The following BPIFB4 variants were observed in gnomAD, a reference collection of about 807,000 sequenced individuals.
The protein encoded by BPIFB4 is BPI fold containing family B member 4.
A neutral mutation model predicts 69.2 loss-of-function variants in BPIFB4; 62 were observed. The ratio of observed to expected loss-of-function variants is 0.90; its 90% confidence interval spans 0.73 to 1.11. The LOEUF (loss-of-function observed/expected upper bound fraction) is 1.11, where lower values mean the gene tolerates loss of function less well. BPIFB4 is among the 50% of genes least tolerant of loss of function. The pLI, the probability that BPIFB4 is intolerant of heterozygous loss-of-function variation, is 0.00. For synonymous variants in BPIFB4, 330 were observed against 332.7 expected (o/e 0.99, Z 0.09); for missense variants, 789 against 792.0 (o/e 1.00, Z 0.04).
At chr20:33,086,396 G>A (rs529013098) in intron 7 of BPIFB4, among the ~76,000 whole-genome samples, 35 of 152,282 alleles carry the variant, frequency 2.3e-4, no homozygotes, top group South Asian at 1.0e-3. Flanking sequence ...TGGGGCCTTC[G>A]ACCAGCCTGG....
At chr20:33,093,017 C>T (rs981219791) in intron 11 of BPIFB4, among the ~76,000 whole-genome samples, 2 of 152,144 alleles carry the variant, frequency 1.3e-5, no homozygotes, top group African/African-American at 4.8e-5. Flanking sequence ...ACATAAGTAA[C>T]AAAATGACAC....
At chr20:33,087,112 C>A (rs534432637) in intron 7 of BPIFB4, among the ~76,000 whole-genome samples, 22 of 152,254 alleles carry the variant, frequency 1.4e-4, no homozygotes, top group Admixed American at 6.5e-4. Flanking sequence ...AGGGTCCAGG[C>A]AAGGAGAGGA....
chr20:33,101,186 A>G (rs1981898916), intron 14 of BPIFB4, among the ~76,000 whole-genome samples: 1 of 152,210 alleles, frequency 6.6e-6, no homozygotes, highest in Non-Finnish European at 1.5e-5. Context: ...AGTGGAAGTC[A>G]GGGCTATTAT....
chr20:33,099,327 G>A (rs1981843688), intron 13 of BPIFB4, among the ~76,000 whole-genome samples: 1 of 152,110 alleles, frequency 6.6e-6, no homozygotes, highest in Non-Finnish European at 1.5e-5. Context: ...TAAGATGGTC[G>A]ATTAAAGGGT....
In BPIFB4 at chr20:33,090,775, G is replaced by A. The variant is rs1274516956; in HGVS notation, c.1119G>A (p.Gly373=). The change falls in exon 10 of 18, where the codon GGG becomes GGA. Residue 373 remains glycine, a synonymous_variant. Transcript: ENST00000375483. ...TCTCCAGCCTCCCGCTTGTGACCGG[G>A]GAATTCCTGGAGCTGGACCTCAACG... ...YTFSSLPLVT[G]EFLELDLNTL... 1.9e-6 allele frequency: 3 copies of A among 1,614,014 alleles called. No individual in the cohort carries two copies. Among genetic ancestry groups the A allele is most frequent in the African/African-American group, 2.7e-5 (2 of 74,920 alleles).
Position 33,090,781 on chromosome 20 carries a change from C to G in BPIFB4, c.1125C>G (p.Phe375Leu), listed in dbSNP as rs1236652533. ...FSSLPLVTGE[F>L]LELDLNTLVG... is the part of the protein sequence containing the mutation. Reference sequence around the variant, plus strand: ...GCCTCCCGCTTGTGACCGGGGAATTCCTGGAGCTGGACCTCAACGTGAGTG... The same window carrying G: ...GCCTCCCGCTTGTGACCGGGGAATTGCTGGAGCTGGACCTCAACGTGAGTG... The change falls in exon 10 of 18, where the codon TTC becomes TTG. Residue 375 changes from phenylalanine (F) to leucine (L), a missense_variant. By Grantham distance (22) the Phe-to-Leu change is conservative. Coordinates refer to ENST00000375483, the MANE Select transcript of BPIFB4 (RefSeq NM_182519.3). 1.6e-5 allele frequency: 26 copies of G among 1,614,024 alleles called. No individual in the cohort carries two copies. Among genetic ancestry groups the G allele is most frequent in the Non-Finnish European group, 2.2e-5 (26 of 1,180,010 alleles).
chr20:33,090,557 G>A, intron 9 of BPIFB4, 151 bp from the exon 10 acceptor site: 2 of 1,343,544 alleles, frequency 1.5e-6, no homozygotes, highest in Admixed American at 2.7e-5. Context: ...AAGAGGCAGA[G>A]CTGGGATTCA....
intron 7 of BPIFB4, among the ~76,000 whole-genome samples, chr20:33,087,698 A>G (rs1981470264): frequency 7.6e-6 from 1 of 132,148 alleles, no homozygotes; most frequent in Non-Finnish European, 1.6e-5. Flanking sequence ...TACATAAAGG[A>G]AAGTCCAACT....
At chr20:33,099,131 T>C (rs903262050) in intron 13 of BPIFB4, among the ~76,000 whole-genome samples, 3 of 152,094 alleles carry the variant, frequency 2.0e-5, no homozygotes, top group African/African-American at 7.2e-5. Context: ...CATTTCTCCC[T>C]CCATGATTAA....
At chr20:33,091,038 C>T (rs1370988972) in intron 10 of BPIFB4, among the ~76,000 whole-genome samples, 1 of 152,228 alleles carries the variant, frequency 6.6e-6, no homozygotes, top group Non-Finnish European at 1.5e-5. Flanking sequence ...CTCAGCCTAT[C>T]TTCACAGCAA....
At chr20:33,095,796 T>C (rs543222320) in intron 12 of BPIFB4, among the ~76,000 whole-genome samples, 1 of 152,282 alleles carries the variant, frequency 6.6e-6, no homozygotes, top group East Asian at 1.9e-4. Context: ...ATTATTGCTG[T>C]TGTTAATAAT....
intron 12 of BPIFB4, among the ~76,000 whole-genome samples, 164 bp downstream of exon 12, chr20:33,095,317 A>G (rs1343251732): frequency 6.6e-6 from 1 of 152,024 alleles, no homozygotes; most frequent in Admixed American, 6.6e-5. Flanking sequence ...CTAGACCCCC[A>G]TGGGTGGGGG....
At chr20:33,106,565 T>C (rs1982063254) in intron 16 of BPIFB4, among the ~76,000 whole-genome samples, 1 of 151,572 alleles carries the variant, frequency 6.6e-6, no homozygotes, top group Non-Finnish European at 1.5e-5. Flanking sequence ...TAGAGATGGG[T>C]TTTTGCCATG....
At chr20:33,094,769 A>C (rs1981709737) in intron 11 of BPIFB4, among the ~76,000 whole-genome samples, 2 of 152,132 alleles carry the variant, frequency 1.3e-5, no homozygotes, top group African/African-American at 4.8e-5. Flanking sequence ...CGGCCTCCCA[A>C]AGTGCTGGGA....
chr20:33,109,991 T>A (rs754350068), intron 17 of BPIFB4, among the ~76,000 whole-genome samples: 3 of 152,202 alleles, frequency 2.0e-5, no homozygotes, highest in Non-Finnish European at 4.4e-5. Flanking sequence ...GTACAGACAG[T>A]TCCAGAATAC....
intron 12 of BPIFB4, among the ~76,000 whole-genome samples, chr20:33,097,063 T>TG (rs762560293): frequency 1.8e-4 from 27 of 152,192 alleles, no homozygotes; most frequent in Non-Finnish European, 2.9e-4. Flanking sequence ...GTGCCTTGCC[T>TG]GGGACCTCCC....
chr20:33,087,804 G>A (rs1981479085), intron 7 of BPIFB4, among the ~76,000 whole-genome samples: 1 of 150,374 alleles, frequency 6.7e-6, no homozygotes, highest in South Asian at 2.1e-4. Context: ...CTTATCATCT[G>A]AGGAGAGGTG....
intron 14 of BPIFB4, among the ~76,000 whole-genome samples, chr20:33,102,551 C>T (rs1198423168): frequency 6.6e-6 from 1 of 152,220 alleles, no homozygotes; most frequent in African/African-American, 2.4e-5. Context: ...TACCCTGGAG[C>T]CTGCTCCACT....
rs1286647812 is a variant in BPIFB4 at position 33,082,926 on chromosome 20, G to A, written c.107-12G>A. On this transcript the variant is annotated splice_polypyrimidine_tract_variant and intron_variant, in intron 3 of 17. Coordinates refer to ENST00000375483, the MANE Select transcript of BPIFB4 (RefSeq NM_182519.3). ...GGAGGAACCCTGGACTGATGCCCTTGCCTCTCTGCAGCCATTTCAGGCATG... is the reference window on the plus strand; with the variant it reads ...GGAGGAACCCTGGACTGATGCCCTTACCTCTCTGCAGCCATTTCAGGCATG... 1.2e-6 allele frequency: 2 copies of A among 1,611,568 alleles called. No homozygotes were observed. The highest frequency in any genetic ancestry group is 1.7e-6 in the Non-Finnish European group (2 of 1,177,926).
Sources: allele counts gnomAD v4.1 joint callset (sites outside exome capture counted in the v4.1 genomes callset), GRCh38; gene constraint gnomAD v4.1.1; transcripts MANE v1.5; gene names NCBI Gene and HGNC (gene_info 2026-07-23, HGNC 2026-07-21).